Variants in MED24 observed in about 807,000 individuals in gnomAD.
The protein encoded by MED24 is mediator of RNA polymerase II transcription subunit 24.
In MED24, 74 loss-of-function variants were observed where a neutral mutation model predicts 118.8. The ratio of observed to expected loss-of-function variants is 0.62; its 90% CI spans 0.52 to 0.76. The LOEUF (loss-of-function observed/expected upper bound fraction) is 0.76. Among genes scored for constraint, MED24 ranks in the 30% least tolerant of loss-of-function variants. The pLI, the probability that MED24 is intolerant of heterozygous loss-of-function variation, is 0.00. For missense variants in MED24, 1,041 were observed against 1,278.9 expected (o/e 0.81, Z 2.84); for synonymous variants, 521 against 523.9 (o/e 0.99, Z 0.08).
Position 40,022,502 on chromosome 17 carries a change from A to C in MED24, c.2433-18T>G. On this transcript the variant is annotated intron_variant, in intron 21 of 25. Coordinates refer to ENST00000394128, the MANE Select transcript of MED24 (RefSeq NM_014815.4). Reference sequence around the variant, plus strand: ...CGGCCAGCCTGGCAAAGGGTTCCAGAAAAAGGGGGACAGTGAGAGGTGCCC... The same window carrying C: ...CGGCCAGCCTGGCAAAGGGTTCCAGCAAAAGGGGGACAGTGAGAGGTGCCC... 6.2e-7 allele frequency: 1 copy of C among 1,601,290 alleles called. No individual in the cohort carries two copies. The highest frequency in any genetic ancestry group is 8.5e-7 in the Non-Finnish European group (1 of 1,173,900).
chr17:40,050,927 G>A (rs1192426216), intron 3 of MED24, among the ~76,000 whole-genome samples: 4 of 151,922 alleles, frequency 2.6e-5, no homozygotes, highest in African/African-American at 4.8e-5. Flanking sequence ...ACCTGAGGTC[G>A]GGAGTTTGAG....
chr17:40,032,080 AC>A lies in MED24; in HGVS notation c.946del (p.Val316PhefsTer3). On this transcript the variant is annotated frameshift_variant, in exon 10 of 26. Transcript: ENST00000394128. LOFTEE classifies it high-confidence loss of function. The stretch of plus-strand genomic sequence containing the variant: ...AGAGTACTTCTTCAACTTCACCAAA[AC>A]CTGTGGAATCTAGGGGGTGAGGCAG... ...TAFTFLKIPQ[V>X]LVKLKKYSHG... 6.2e-7 allele frequency: 1 copy of A among 1,612,988 alleles called. No homozygotes were observed. The highest frequency in any genetic ancestry group is 8.5e-7 in the Non-Finnish European group (1 of 1,179,620).
Position 40,032,583 on chromosome 17 carries a change from A to G in MED24, c.936+66T>C, listed in dbSNP as rs570215172. The G allele has an allele frequency of 4.4e-4, 569 of 1,297,040 alleles. 3 individuals are homozygous for G. The South Asian group carries it at 7.0e-3, about 16-fold the overall frequency. The allele number at this position is 1,297,040 out of a possible 1,614,324, so 80.3% of individuals were successfully genotyped here. A position where few individuals can be genotyped will look rare whatever the true frequency, so the allele number is the denominator to read the frequency against. The stretch of plus-strand genomic sequence containing the variant: ...AGGGAGGAACACAGGGCAAAGGTCC[A>G]GGGTGCCACTGGTCTTGCTAAGAAC... On this transcript the variant is annotated intron_variant, in intron 9 of 25. Transcript: ENST00000394128.
At position 40,031,173 on chromosome 17, in the gene MED24, G is replaced by A. The variant is rs868747153; in HGVS notation, c.1140C>T (p.Asn380=). The change falls in exon 12 of 26, where the codon AAC becomes AAT. Residue 380 remains asparagine, a synonymous_variant. Coordinates refer to ENST00000394128, the MANE Select transcript of MED24 (RefSeq NM_014815.4). ...QGLLSEASVN[N]LMAKRKADRE... ...TTCACACTTACCGCTTAGCCATAAG[G>A]TTGTTGACGCTGGCCTCAGACAGAA... is the stretch of plus-strand genomic sequence containing the variant. The A allele has an allele frequency of 6.4e-7, 1 of 1,568,058 alleles. No homozygotes were observed. Among genetic ancestry groups the A allele is most frequent in the East Asian group, 2.3e-5 (1 of 43,052 alleles).
Position 40,022,773 on chromosome 17 carries a change from G to A in MED24, c.2304C>T (p.Leu768=), listed in dbSNP as rs1306389393. The A allele has an allele frequency of 3.7e-6, 6 of 1,613,808 alleles. No individual in the cohort carries two copies. The highest frequency in any genetic ancestry group is 5.1e-6 in the Non-Finnish European group (6 of 1,180,010). Residue 768 remains leucine (L), a synonymous_variant, in exon 21 of 26, where the codon CTC becomes CTT. Transcript: ENST00000394128. ...KEHTLRAVEL[L]YSIFCLDMQQ... ...GCATGTCCAGGCAGAAGATGGAGTA[G>A]AGCAGCTCCACTGCCCGCAGCGTGT... is the stretch of plus-strand genomic sequence containing the variant.
intron 18 of MED24, 152 bp downstream of exon 18, chr17:40,026,495 G>A (rs1367807023): frequency 1.5e-5 from 17 of 1,143,214 alleles, no homozygotes; most frequent in Non-Finnish European, 2.1e-5. Context: ...CTGGGCCAGA[G>A]GGAGTAGCTA....
chr17:40,020,069 G>A, intron 24 of MED24, 136 bp from the exon 25 acceptor site: 1 of 1,203,168 alleles, frequency 8.3e-7, no homozygotes, highest in Non-Finnish European at 1.2e-6. Flanking sequence ...GTCAGAGAGA[G>A]AAAATATAAA....
chr17:40,029,786 T>C lies in MED24; in HGVS notation c.1228A>G (p.Ile410Val). The change falls in exon 13 of 26, where the codon ATC (isoleucine) becomes GTC (valine). Residue 410 changes from isoleucine (I) to valine (V), a missense_variant. Coordinates refer to ENST00000394128, the MANE Select transcript of MED24 (RefSeq NM_014815.4). ...GTGACAGTGGGCTCCGCCCGGAGGA[T>C]CAGCTGGATGTTGGGCTGGATGTTG... ...NANIQPNIQLILRAEPTVTNI... is the reference protein window; with the variant it reads ...NANIQPNIQLVLRAEPTVTNI... 1 of 1,614,180 alleles carries C rather than the reference T, an allele frequency of 6.2e-7. No individual in the cohort carries two copies. The highest frequency in any genetic ancestry group is 1.7e-5 in the Admixed American group (1 of 60,022).
chr17:40,024,622 A>G (rs1275775819), intron 19 of MED24, among the ~76,000 whole-genome samples: 1 of 152,226 alleles, frequency 6.6e-6, no homozygotes, highest in Non-Finnish European at 1.5e-5. Context: ...GCTGGTAAAC[A>G]CCCATGTTCA....
intron 3 of MED24, among the ~76,000 whole-genome samples, chr17:40,037,209 A>AGGG (rs1439092019): frequency 5.9e-4 from 89 of 151,842 alleles, no homozygotes; most frequent in African/African-American, 1.9e-3. Flanking sequence ...AGAGAGAGAG[A>AGGG]AAGAGGGAAG....
chr17:40,049,450 C>T (rs566866768), intron 3 of MED24, among the ~76,000 whole-genome samples: 2 of 152,332 alleles, frequency 1.3e-5, no homozygotes, highest in Admixed American at 6.5e-5. Flanking sequence ...GGGTGCCTTT[C>T]CCATGTATTC....
At chr17:40,022,359 C>T (rs758098673) in intron 22 of MED24, 35 bp downstream of exon 22, 2 of 1,571,960 alleles carry the variant, frequency 1.3e-6, no homozygotes, top group Non-Finnish European at 1.7e-6. Context: ...AACCGGTGAA[C>T]AAGTGAAGCC....
chr17:40,046,663 G>A (rs544871299), intron 3 of MED24, among the ~76,000 whole-genome samples: 3 of 150,274 alleles, frequency 2.0e-5, no homozygotes, highest in Non-Finnish European at 4.5e-5. Context: ...GGAGAATGGC[G>A]TGAACCCGGG....
At position 40,040,601 on chromosome 17, in the gene MED24, GTT is replaced by G. The variant is rs925864207; in HGVS notation, c.214-4449_214-4448del. ...TCTGCTACTCTTCACACATATAAAA[GTT>G]TTTTTTTTTAATTTTATTTTCTTTT... On this transcript the variant is annotated intron_variant, in intron 3 of 25. Coordinates refer to ENST00000394128, the MANE Select transcript of MED24 (RefSeq NM_014815.4). Among the ~76,000 whole-genome samples, 3 of 143,332 alleles carry G rather than the reference GTT, an allele frequency of 2.1e-5. No homozygotes were observed. In the South Asian group the frequency reaches 6.7e-4, roughly 32 times the overall value. The allele number at this position is 143,332 out of a possible 152,430, so 94.0% of individuals were successfully genotyped here. A position where few individuals can be genotyped will look rare whatever the true frequency, so the allele number is the denominator to read the frequency against.
intron 3 of MED24, among the ~76,000 whole-genome samples, chr17:40,041,538 T>C (rs955649070): frequency 6.6e-6 from 1 of 152,328 alleles, no homozygotes; most frequent in African/African-American, 2.4e-5. Flanking sequence ...CAGACACGTA[T>C]GTTCAACTGC....
At chr17:40,025,332 C>T (rs933315073) in intron 19 of MED24, among the ~76,000 whole-genome samples, 13 of 152,006 alleles carry the variant, frequency 8.6e-5, no homozygotes, top group Non-Finnish European at 1.9e-4. Context: ...AAAAATTAGC[C>T]GGCTGTGGGC....
chr17:40,052,327 T>C (rs1258742305), intron 3 of MED24, among the ~76,000 whole-genome samples: 3 of 152,208 alleles, frequency 2.0e-5, no homozygotes, highest in Admixed American at 6.6e-5. Context: ...TGGCAAGTTA[T>C]GTGTATTAAG....
intron 4 of MED24, 105 bp downstream of exon 4, chr17:40,036,011 C>T: frequency 7.5e-7 from 1 of 1,330,106 alleles, no homozygotes; most frequent in South Asian, 1.2e-5. Context: ...CCAGAGGCAT[C>T]ATGTGCTGCC....
chr17:40,019,448 C>T lies in MED24; in HGVS notation c.*81G>A. On this transcript the variant is annotated 3_prime_UTR_variant, in exon 26 of 26. Coordinates refer to ENST00000394128, the MANE Select transcript of MED24 (RefSeq NM_014815.4). ...GTGGAGCGGATGTGAGGCACGATGC[C>T]TCATCTTTCCTCACTGCTTCCCTTG... The T allele has an allele frequency of 8.3e-7, 1 of 1,198,668 alleles. No homozygotes were observed. The highest frequency in any genetic ancestry group is 2.3e-5 in the East Asian group (1 of 42,666). 74.3% of individuals were successfully genotyped at this position (1,198,668 alleles called of 1,614,324 possible). A position where few individuals can be genotyped will look rare whatever the true frequency, so the allele number is the denominator to read the frequency against.
Sources: allele counts gnomAD v4.1 joint callset (sites outside exome capture counted in the v4.1 genomes callset), GRCh38; gene constraint gnomAD v4.1.1; transcripts MANE v1.5; gene names NCBI Gene and HGNC (gene_info 2026-07-23, HGNC 2026-07-21).